Variants in BSX observed in about 807,000 individuals in gnomAD.
BSX encodes brain specific homeobox, also known as brain-specific homeobox protein homolog.
BSX carries 12 observed loss-of-function variants against 16.9 expected under a neutral mutation model. That is an observed-to-expected ratio of 0.71 (90% CI 0.46 to 1.15). The LOEUF (loss-of-function observed/expected upper bound fraction) is 1.15, where lower values mean the gene tolerates loss of function less well. BSX is among the 50% of genes most tolerant of loss of function. The probability of loss-of-function intolerance (pLI) is 0.00; values close to 1 mark genes in which losing one functional copy is unlikely to be tolerated. For synonymous variants in BSX, 160 were observed against 136.4 expected (o/e 1.17, Z -1.20); for missense variants, 292 against 311.8 (o/e 0.94, Z 0.48).
At chr11:122,978,989 A>G (rs1372021818) in intron 2 of BSX, among the ~76,000 whole-genome samples, 2 of 151,414 alleles carry the variant, frequency 1.3e-5, no homozygotes, top group African/African-American at 4.9e-5. Context: ...TGTATTTAGT[A>G]GAGACGGGGT....
chr11:122,981,281 A>G (rs1864565176), intron 1 of BSX, 129 bp downstream of exon 1: 1 of 876,118 alleles, frequency 1.1e-6, no homozygotes, highest in South Asian at 2.1e-5. Context: ...TTCCACTGTC[A>G]CTTAGGGAAA....
chr11:122,978,810 T>C (rs1185469229), intron 2 of BSX, among the ~76,000 whole-genome samples: 6 of 130,710 alleles, frequency 4.6e-5, no homozygotes, highest in South Asian at 2.7e-4. Context: ...TTTTTTTTTT[T>C]TTTTTTTTTT....
Position 122,977,904 on chromosome 11 carries a change from A to G in BSX, c.460-13T>C. ...ACCACGTTTTCACCTGATTTCGGGG[A>G]GATAAAAATAAAATCATGTCATTCC... On this transcript the variant is annotated splice_polypyrimidine_tract_variant and intron_variant, in intron 2 of 2. Coordinates refer to ENST00000343035, the MANE Select transcript of BSX (RefSeq NM_001098169.2). This position sits in a 1 kb window ranked among gnomAD's most constrained non-coding sequence, Gnocchi z 4.5. 6.2e-7 allele frequency: 1 copy of G among 1,612,684 alleles called. No individual in the cohort carries two copies. The highest frequency in any genetic ancestry group is 1.7e-5 in the Admixed American group (1 of 59,922).
rs1453641893 is a variant in BSX, at chr11:122,979,375, C to T, written c.345G>A (p.Thr115=). 6.2e-7 allele frequency: 1 copy of T among 1,614,136 alleles called. No homozygotes were observed. The highest frequency in any genetic ancestry group is 1.7e-5 in the Admixed American group (1 of 60,034). ...CCGAGAGCTGCGAGTCAGAGAAAAC[C>T]GTGCGGGCTTTGCGGCGGCGGCAGT... ...GKHCRRRKAR[T]VFSDSQLSGL... The change falls in exon 2 of 3, where the codon ACG becomes ACA. Residue 115 remains threonine (T), a synonymous_variant. Coordinates refer to ENST00000343035, the MANE Select transcript of BSX (RefSeq NM_001098169.2).
At chr11:122,978,790 C>CT (rs1864529309) in intron 2 of BSX, among the ~76,000 whole-genome samples, 2 of 72,088 alleles carry the variant, frequency 2.8e-5, no homozygotes, top group South Asian at 4.8e-4. Context: ...TTTTCTTTTT[C>CT]TTTTCTTTTT....
In BSX at chr11:122,981,739, G is replaced by C. The variant is rs1327251031; in HGVS notation, c.-68C>G. ...TGGAGGACGCAGGCAGAGTCTCCAAGCCTGCTCGAAAGCCGGCAACCACCC... is the reference window on the plus strand; with the variant it reads ...TGGAGGACGCAGGCAGAGTCTCCAACCCTGCTCGAAAGCCGGCAACCACCC... On this transcript the variant is annotated 5_prime_UTR_variant, in exon 1 of 3. Coordinates refer to ENST00000343035, the MANE Select transcript of BSX (RefSeq NM_001098169.2). 3 of 1,458,136 alleles carry C rather than the reference G, an allele frequency of 2.1e-6. No homozygotes were observed. The African/African-American group carries it at 4.2e-5, about 21-fold the overall frequency. 90.3% of individuals were successfully genotyped at this position (1,458,136 alleles called of 1,614,324 possible). A position where few individuals can be genotyped will look rare whatever the true frequency, so the allele number is the denominator to read the frequency against.
At chr11:122,979,515 G>T in intron 1 of BSX, 58 bp from the exon 2 acceptor site, 4 of 1,481,072 alleles carry the variant, frequency 2.7e-6, no homozygotes, top group Non-Finnish European at 3.7e-6. Context: ...AGCAATCTCC[G>T]CTCCGCTCCC....
At chr11:122,979,569 C>G in intron 1 of BSX, 112 bp from the exon 2 acceptor site, 1 of 852,598 alleles carries the variant, frequency 1.2e-6, no homozygotes, top group Non-Finnish European at 1.8e-6. Context: ...CCCCTCGCCT[C>G]CGTCAGTCTG....
Position 122,981,435 on chromosome 11 carries a change from A to G in BSX, c.237T>C (p.His79=), listed in dbSNP as rs2135402109. The change falls in exon 1 of 3, where the codon CAT becomes CAC. Residue 79 remains histidine (H), a synonymous_variant. Coordinates refer to ENST00000343035, the MANE Select transcript of BSX (RefSeq NM_001098169.2). The stretch of plus-strand genomic sequence containing the variant: ...CCGAGGTGGTGAGGAAATAAGGATG[A>G]TGGTGGTCTCCCTTATGCAGAGGGT... ...AHHPLHKGDH[H]HPYFLTTSGM... 6.4e-7 allele frequency: 1 copy of G among 1,552,168 alleles called. No homozygotes were observed. Among genetic ancestry groups the G allele is most frequent in the Non-Finnish European group, 8.7e-7 (1 of 1,145,140 alleles).
intron 2 of BSX, 132 bp downstream of exon 2, chr11:122,979,129 C>T: frequency 1.1e-6 from 1 of 940,072 alleles, no homozygotes; most frequent in Admixed American, 2.5e-5. Context: ...TACGAAAGCT[C>T]TTGGGAAAGG....
In BSX at chr11:122,977,913, T is replaced by G; in HGVS notation, c.460-22A>C. ...TCACCTGATTTCGGGGAGATAAAAATAAAATCATGTCATTCCTCCAAATCT... is the reference window on the plus strand; with the variant it reads ...TCACCTGATTTCGGGGAGATAAAAAGAAAATCATGTCATTCCTCCAAATCT... On this transcript the variant is annotated intron_variant, in intron 2 of 2. Transcript: ENST00000343035. The surrounding 1 kb of genome is among the most constrained non-coding windows in gnomAD (Gnocchi z 4.5). The G allele has an allele frequency of 6.2e-7, 1 of 1,611,718 alleles. No homozygotes were observed. The highest frequency in any genetic ancestry group is 8.5e-7 in the Non-Finnish European group (1 of 1,179,850).
At chr11:122,978,795 CTTTTTTTTTTTTTTTTTTT>C (rs35567142) in intron 2 of BSX, among the ~76,000 whole-genome samples, 1 of 64,776 alleles carries the variant, frequency 1.5e-5, no homozygotes, top group African/African-American at 5.5e-5. Context: ...TTTTTCTTTT[CTTTTTTTTTTTTTTTTTTT>C]TTTTTTTTTG....
intron 1 of BSX, among the ~76,000 whole-genome samples, chr11:122,981,192 T>A (rs1591412120): frequency 6.6e-6 from 1 of 151,994 alleles, no homozygotes; most frequent in Middle Eastern, 3.4e-3. Flanking sequence ...CTATGAAGAG[T>A]GCGGAGGAAT....
At chr11:122,981,370 G>T in intron 1 of BSX, 40 bp downstream of exon 1, 2 of 1,470,986 alleles carry the variant, frequency 1.4e-6, no homozygotes, top group South Asian at 1.4e-5. Flanking sequence ...TAGAAGCCCT[G>T]CTCTCTCACT....
rs1864577532 is a variant in BSX, at chr11:122,981,816, G to C, written c.-145C>G. On this transcript the variant is annotated 5_prime_UTR_variant, in exon 1 of 3. Coordinates refer to ENST00000343035, the MANE Select transcript of BSX (RefSeq NM_001098169.2). ...CTCCCGGGCCTGGGCTACCCCGGGCGCTGGAGAGGCAAGAAGACAAGCTCC... is the reference window on the plus strand; with the variant it reads ...CTCCCGGGCCTGGGCTACCCCGGGCCCTGGAGAGGCAAGAAGACAAGCTCC... 1 of 828,566 alleles carries C rather than the reference G, an allele frequency of 1.2e-6. No homozygotes were observed. The highest frequency in any genetic ancestry group is 3.0e-5 in the Admixed American group (1 of 33,498). The allele number at this position is 828,566 out of a possible 1,614,324, so 51.3% of individuals were successfully genotyped here. A position where few individuals can be genotyped will look rare whatever the true frequency, so the allele number is the denominator to read the frequency against.
chr11:122,979,386 T>TGCG lies in BSX; in HGVS notation c.331_333dup (p.Arg111dup). On this transcript the variant is annotated inframe_insertion, in exon 2 of 3. Coordinates refer to ENST00000343035, the MANE Select transcript of BSX (RefSeq NM_001098169.2). ...GAGTCAGAGAAAACCGTGCGGGCTT[T>TGCG]GCGGCGGCGGCAGTGCTTCCCCGGC... is the stretch of plus-strand genomic sequence containing the variant. 1 of 1,614,074 alleles carries TGCG rather than the reference T, an allele frequency of 6.2e-7. No individual in the cohort carries two copies. The highest frequency in any genetic ancestry group is 8.5e-7 in the Non-Finnish European group (1 of 1,180,004).
At chr11:122,979,006 A>T (rs1416179655) in intron 2 of BSX, among the ~76,000 whole-genome samples, 4 of 150,978 alleles carry the variant, frequency 2.6e-5, no homozygotes, top group Admixed American at 1.3e-4. Context: ...GGGTTTCACC[A>T]TATTGGTCAG....
At position 122,977,950 on chromosome 11, in the gene BSX, G is replaced by A; in HGVS notation, c.460-59C>T. On this transcript the variant is annotated intron_variant, in intron 2 of 2. Coordinates refer to ENST00000343035, the MANE Select transcript of BSX (RefSeq NM_001098169.2). The surrounding 1 kb of genome is among the most constrained non-coding windows in gnomAD (Gnocchi z 4.5). ...ATTCCTCCAAATCTGAGCCATCGCT[G>A]GGGTTTAGGAAAATGGGCTGCAGTC... is the stretch of plus-strand genomic sequence containing the variant. 4 of 1,601,400 alleles carry A rather than the reference G, an allele frequency of 2.5e-6. No homozygotes were observed. Among genetic ancestry groups the A allele is most frequent in the Non-Finnish European group, 3.4e-6 (4 of 1,177,310 alleles).
chr11:122,981,731 G>T lies in BSX; in HGVS notation c.-60C>A, dbSNP rs946772696. 6 of 1,499,652 alleles carry T rather than the reference G, an allele frequency of 4.0e-6. No individual in the cohort carries two copies. In the African/African-American group the frequency reaches 8.3e-5, roughly 21 times the overall value. The allele number at this position is 1,499,652 out of a possible 1,614,324, so 92.9% of individuals were successfully genotyped here. ...GGACGAAGTGGAGGACGCAGGCAGA[G>T]TCTCCAAGCCTGCTCGAAAGCCGGC... On this transcript the variant is annotated 5_prime_UTR_variant, in exon 1 of 3. Coordinates refer to ENST00000343035, the MANE Select transcript of BSX (RefSeq NM_001098169.2).
Sources: allele counts gnomAD v4.1 joint callset (sites outside exome capture counted in the v4.1 genomes callset), GRCh38; gene constraint gnomAD v4.1.1; non-coding constraint Gnocchi (gnomAD v3.1); transcripts MANE v1.5; gene names NCBI Gene and HGNC (gene_info 2026-07-23, HGNC 2026-07-21).